Variants in NDST4 observed in about 807,000 individuals in gnomAD.
The protein encoded by NDST4 is N-heparan sulfate sulfotransferase 4.
NDST4 carries 63 observed loss-of-function variants against 100.8 expected under a neutral mutation model. That is an observed-to-expected ratio of 0.62 (90% CI 0.51 to 0.77). The LOEUF (loss-of-function observed/expected upper bound fraction) is 0.77. NDST4 is among the 30% of genes least tolerant of loss of function. The pLI, the probability that NDST4 is intolerant of heterozygous loss-of-function variation, is 0.00. For missense variants in NDST4, 943 were observed against 1,018.4 expected (o/e 0.93, Z 1.01); for synonymous variants, 377 against 361.8 (o/e 1.04, Z -0.48).
At chr4:114,837,307 G>C (rs2126182300) in intron 11 of NDST4, among the ~76,000 whole-genome samples, 1 of 152,006 alleles carries the variant, frequency 6.6e-6, no homozygotes, top group Non-Finnish European at 1.5e-5. Flanking sequence ...TTTTTGTGTG[G>C]GGGTACTTTA....
chr4:114,905,671 G>A (rs955295440), intron 6 of NDST4, among the ~76,000 whole-genome samples: 1 of 151,680 alleles, frequency 6.6e-6, no homozygotes, highest in Admixed American at 6.6e-5. Context: ...TCACTATTCA[G>A]TCAGTTCAGT....
intron 11 of NDST4, among the ~76,000 whole-genome samples, chr4:114,837,409 C>T (rs1723327631): frequency 6.6e-6 from 1 of 152,050 alleles, no homozygotes; most frequent in South Asian, 2.1e-4. Flanking sequence ...AGGCGTCATG[C>T]TACCTGACTT....
chr4:114,840,476 T>C (rs1480321804), intron 10 of NDST4, among the ~76,000 whole-genome samples: 1 of 152,116 alleles, frequency 6.6e-6, no homozygotes, highest in Non-Finnish European at 1.5e-5. Flanking sequence ...ACATATTTGA[T>C]TAGAGGTAGA....
At chr4:114,984,425 T>C (rs917671335) in intron 2 of NDST4, among the ~76,000 whole-genome samples, 1 of 129,978 alleles carries the variant, frequency 7.7e-6, no homozygotes, top group Non-Finnish European at 1.6e-5. Context: ...GATCCACCCA[T>C]CCCAAAGTGC....
chr4:114,976,969 G>T (rs1393950067), intron 3 of NDST4, among the ~76,000 whole-genome samples: 1 of 151,752 alleles, frequency 6.6e-6, no homozygotes, highest in Non-Finnish European at 1.5e-5. Context: ...TTTAAAAAAT[G>T]AGTTGAAAAA....
At chr4:114,924,844 A>G (rs2126220544) in intron 6 of NDST4, among the ~76,000 whole-genome samples, 1 of 152,224 alleles carries the variant, frequency 6.6e-6, no homozygotes, top group African/African-American at 2.4e-5. Context: ...GAATAATTCC[A>G]ATGTTGCTAG....
At chr4:115,088,433 T>G (rs1275887710) in intron 1 of NDST4, among the ~76,000 whole-genome samples, 9 of 151,870 alleles carry the variant, frequency 5.9e-5, no homozygotes, top group Non-Finnish European at 5.9e-5. Context: ...AGCATCTAAA[T>G]GTTTCATCTG....
At chr4:115,059,147 C>G (rs912809010) in intron 2 of NDST4, among the ~76,000 whole-genome samples, 1 of 151,730 alleles carries the variant, frequency 6.6e-6, no homozygotes, top group Non-Finnish European at 1.5e-5. Flanking sequence ...CCCCAAGAAC[C>G]AAAAGAAAAC....
chr4:114,852,750 A>G lies in NDST4; in HGVS notation c.1791T>C (p.Phe597=). 1 of 1,611,790 alleles carries G rather than the reference A, an allele frequency of 6.2e-7. No homozygotes were observed. The highest frequency in any genetic ancestry group is 8.5e-7 in the Non-Finnish European group (1 of 1,178,412). The change falls in exon 8 of 14, where the codon TTT becomes TTC. Residue 597 remains phenylalanine (F), a synonymous_variant. Transcript: ENST00000264363. ...REKTCDHLPK[F]LVIGPQKTGT... ...CTGTTTTTTGTGGACCAATTACTAG[A>G]AATTTTGGTAAGTGGTCACAAGTTT... is the stretch of plus-strand genomic sequence containing the variant.
intron 2 of NDST4, among the ~76,000 whole-genome samples, chr4:115,028,210 G>A (rs1047559873): frequency 1.3e-5 from 2 of 152,138 alleles, no homozygotes; most frequent in Non-Finnish European, 2.9e-5. Flanking sequence ...GATGTTGGAA[G>A]TGATGGAGAC....
At chr4:114,996,985 T>C (rs1177887662) in intron 2 of NDST4, among the ~76,000 whole-genome samples, 2 of 152,148 alleles carry the variant, frequency 1.3e-5, no homozygotes, top group Admixed American at 6.6e-5. Flanking sequence ...TAGGTACTTC[T>C]GGTACCTATG....
At position 114,977,261 on chromosome 4, in the gene NDST4, G is replaced by C; in HGVS notation, c.992C>G (p.Thr331Ser). ...AACCTGAGTGCGCAGTAAATTTTGA[G>C]TCTCTAGTAATGCCTGAAATAAATA... Reference protein sequence around the residue: ...NVKDVKALLETQNLLRTQVAN... With the variant: ...NVKDVKALLESQNLLRTQVAN... The change falls in exon 3 of 14, where the codon ACT becomes AGT. Residue 331 changes from threonine to serine, a missense_variant. Coordinates refer to ENST00000264363, the MANE Select transcript of NDST4 (RefSeq NM_022569.3). The C allele has an allele frequency of 1.2e-6, 2 of 1,606,236 alleles. No homozygotes were observed. The highest frequency in any genetic ancestry group is 1.7e-6 in the Non-Finnish European group (2 of 1,174,626).
intron 8 of NDST4, among the ~76,000 whole-genome samples, chr4:114,852,252 T>A (rs1047440952): frequency 6.6e-6 from 1 of 152,160 alleles, no homozygotes; most frequent in Non-Finnish European, 1.5e-5. Context: ...TGATTAATTT[T>A]TTAAAAGGAA....
At chr4:115,026,989 C>T (rs1161868096) in intron 2 of NDST4, among the ~76,000 whole-genome samples, 1 of 152,094 alleles carries the variant, frequency 6.6e-6, no homozygotes, top group Non-Finnish European at 1.5e-5. Context: ...ATTCCAGAGT[C>T]TAGTTGCTGT....
chr4:114,916,965 G>C (rs973134000), intron 6 of NDST4, among the ~76,000 whole-genome samples: 2 of 151,820 alleles, frequency 1.3e-5, no homozygotes, highest in African/African-American at 4.8e-5. Flanking sequence ...CTATTGCTGT[G>C]AGGTGAACAT....
Position 114,895,505 on chromosome 4 carries a change from C to T in NDST4, c.1537-24555G>A, listed in dbSNP as rs114600804. On this transcript the variant is annotated intron_variant, in intron 6 of 13. Transcript: ENST00000264363. ...GGGGCAGTAATTAATAGCCTACCAACCAAATGAAAGCCCAGGACCAGAGGG... is the reference window on the plus strand; with the variant it reads ...GGGGCAGTAATTAATAGCCTACCAATCAAATGAAAGCCCAGGACCAGAGGG... Among the ~76,000 whole-genome samples the T allele has an allele frequency of 3.6e-3, 551 of 152,228 alleles. 3 individuals are homozygous for T. The highest frequency in any genetic ancestry group is 0.012 in the African/African-American group (486 of 41,542).
chr4:115,043,384 T>C (rs2126275268), intron 2 of NDST4, among the ~76,000 whole-genome samples: 1 of 152,228 alleles, frequency 6.6e-6, no homozygotes, highest in Non-Finnish European at 1.5e-5. Context: ...GTAGAAGGAA[T>C]ATACTCTCAT....
At chr4:114,878,243 A>G (rs1724297965) in intron 6 of NDST4, among the ~76,000 whole-genome samples, 1 of 152,168 alleles carries the variant, frequency 6.6e-6, no homozygotes, top group African/African-American at 2.4e-5. Flanking sequence ...CTATTGCTCC[A>G]TGTGACTTTC....
chr4:114,847,405 A>C (rs1723574690), intron 9 of NDST4, among the ~76,000 whole-genome samples: 1 of 125,222 alleles, frequency 8.0e-6, no homozygotes, highest in Non-Finnish European at 1.5e-5. Flanking sequence ...AAAAAAAAAA[A>C]AAAAAAAAAA....
Sources: gnomAD v4.1 joint callset for allele counts (sites outside exome capture counted in the v4.1 genomes callset) on GRCh38, gnomAD v4.1.1 for gene constraint, MANE v1.5 for transcripts, NCBI Gene and HGNC (gene_info 2026-07-23, HGNC 2026-07-21) for gene names.